Variants in CREB5 observed in about 807,000 individuals in gnomAD.
The protein encoded by CREB5 is cyclic AMP-responsive element-binding protein 5.
CREB5 carries 19 observed loss-of-function variants against 57.1 expected under a neutral mutation model. The observed-to-expected ratio is 0.33, with a 90% CI of 0.23 to 0.49. CREB5 has a LOEUF of 0.49. Among genes scored for constraint, CREB5 ranks in the 20% least tolerant of loss-of-function variants. The pLI is 0.99. For synonymous variants in CREB5, 238 were observed against 238.3 expected, an observed-to-expected ratio of 1.00 and a Z score of 0.01; for missense variants, 579 against 671.6, an observed-to-expected ratio of 0.86 and a Z score of 1.52.
chr7:28,330,634 A>G (rs1198178676), intron 1 of CREB5, among the ~76,000 whole-genome samples: 1 of 151,726 alleles, frequency 6.6e-6, no homozygotes, highest in Admixed American at 6.6e-5. Context: ...GCAAAAAAAA[A>G]AACAACCACA....
At chr7:28,737,741 T>C (rs890989727) in intron 7 of CREB5, among the ~76,000 whole-genome samples, 3 of 151,772 alleles carry the variant, frequency 2.0e-5, no homozygotes, top group African/African-American at 7.3e-5. Context: ...TCAGCAAAGA[T>C]ATGGTAAAAA....
At chr7:28,557,075 T>C (rs1267120288) in intron 4 of CREB5, among the ~76,000 whole-genome samples, 3 of 142,306 alleles carry the variant, frequency 2.1e-5, no homozygotes, top group African/African-American at 7.6e-5. Context: ...TCCTACAATC[T>C]GTTCCCACCT....
chr7:28,328,394 C>G (rs1393168635), intron 1 of CREB5, among the ~76,000 whole-genome samples: 2 of 152,184 alleles, frequency 1.3e-5, no homozygotes, highest in Non-Finnish European at 2.9e-5. Context: ...TGGTAAGGCA[C>G]AGACCTCATT....
chr7:28,659,807 C>T (rs1799523228), intron 5 of CREB5, among the ~76,000 whole-genome samples: 1 of 152,034 alleles, frequency 6.6e-6, no homozygotes, highest in Admixed American at 6.6e-5. Context: ...CTCATAACCT[C>T]CTCTTGATAT....
chr7:28,367,701 G>A (rs1012464397), intron 1 of CREB5, among the ~76,000 whole-genome samples: 1 of 152,120 alleles, frequency 6.6e-6, no homozygotes, highest in Non-Finnish European at 1.5e-5. Context: ...CCAGCTACTC[G>A]GGAGGCTGAG....
intron 5 of CREB5, among the ~76,000 whole-genome samples, chr7:28,573,223 CTG>C (rs1175786719): frequency 6.6e-6 from 1 of 152,026 alleles, no homozygotes; most frequent in Non-Finnish European, 1.5e-5. Flanking sequence ...CCTCTGGAGA[CTG>C]TGTCTTTAAA....
intron 9 of CREB5, among the ~76,000 whole-genome samples, chr7:28,817,865 C>T (rs71539578): frequency 1.3e-5 from 2 of 152,236 alleles, no homozygotes; most frequent in Non-Finnish European, 2.9e-5. Flanking sequence ...GAGTTAAAAC[C>T]TAAGCTCTGC....
chr7:28,383,334 T>G (rs1280949340), intron 1 of CREB5, among the ~76,000 whole-genome samples: 1 of 152,156 alleles, frequency 6.6e-6, no homozygotes, highest in Admixed American at 6.6e-5. Flanking sequence ...GATGGAAAAC[T>G]TAGTTGGAAA....
At chr7:28,655,973 G>C (rs78425035) in intron 5 of CREB5, among the ~76,000 whole-genome samples, 5,939 of 151,942 alleles carry the variant, frequency 0.039, 395 homozygotes, top group African/African-American at 0.14. Flanking sequence ...ACAAAGAAAA[G>C]GCAGGGAAAA....
chr7:28,678,892 C>T (rs1800452525), intron 5 of CREB5, among the ~76,000 whole-genome samples: 1 of 152,152 alleles, frequency 6.6e-6, no homozygotes, highest in Non-Finnish European at 1.5e-5. Flanking sequence ...CTTCTCTGCT[C>T]AGTGTAAGAG....
chr7:28,571,497 T>TCC (rs1795702516), intron 5 of CREB5, among the ~76,000 whole-genome samples: 2 of 152,138 alleles, frequency 1.3e-5, no homozygotes. Flanking sequence ...CTCTCTCTCA[T>TCC]TTATGCAAAT....
intron 1 of CREB5, among the ~76,000 whole-genome samples, chr7:28,361,335 T>C (rs1412465903): frequency 6.6e-6 from 1 of 152,122 alleles, no homozygotes; most frequent in African/African-American, 2.4e-5. Flanking sequence ...TTTACATGAG[T>C]CAATGTTCAT....
chr7:28,767,332 G>A (rs540643719), intron 7 of CREB5, among the ~76,000 whole-genome samples: 1 of 152,274 alleles, frequency 6.6e-6, no homozygotes, highest in African/African-American at 2.4e-5. Flanking sequence ...ATCGAACATA[G>A]AGAGAAAGAG....
intron 1 of CREB5, among the ~76,000 whole-genome samples, chr7:28,448,101 C>T (rs1017001913): frequency 2.2e-4 from 34 of 152,068 alleles, no homozygotes; most frequent in Non-Finnish European, 3.7e-4. Flanking sequence ...CAGCTGCCAG[C>T]GAATATAAAG....
chr7:28,646,881 ACAG>A (rs1798909601), intron 5 of CREB5, among the ~76,000 whole-genome samples: 1 of 152,054 alleles, frequency 6.6e-6, no homozygotes, highest in Non-Finnish European at 1.5e-5. Context: ...CAGTACAACA[ACAG>A]GAGCAACAAT....
chr7:28,578,305 C>T (rs1471691023), intron 5 of CREB5, among the ~76,000 whole-genome samples: 1 of 152,172 alleles, frequency 6.6e-6, no homozygotes, highest in Non-Finnish European at 1.5e-5. Flanking sequence ...AATCCAGAAG[C>T]AAGAATGAAA....
At chr7:28,462,429 G>C (rs908014671) in intron 1 of CREB5, among the ~76,000 whole-genome samples, 5 of 152,050 alleles carry the variant, frequency 3.3e-5, no homozygotes, top group Non-Finnish European at 7.4e-5. Context: ...TTTCTTTTGG[G>C]TATACACCCA....
intron 5 of CREB5, among the ~76,000 whole-genome samples, chr7:28,671,713 T>C (rs1367294522): frequency 6.6e-6 from 1 of 152,194 alleles, no homozygotes; most frequent in Non-Finnish European, 1.5e-5. Flanking sequence ...TATGAACACA[T>C]CAGTCAACTG....
At chr7:28,528,420 A>G (rs1225655043) in intron 4 of CREB5, among the ~76,000 whole-genome samples, 4 of 152,208 alleles carry the variant, frequency 2.6e-5, no homozygotes, top group East Asian at 3.8e-4. Context: ...ACAAATGAGT[A>G]TGTGCTGGGT....
Sources: allele counts gnomAD v4.1 joint callset (sites outside exome capture counted in the v4.1 genomes callset), GRCh38; gene constraint gnomAD v4.1.1; transcripts MANE v1.5; gene names NCBI Gene and HGNC (gene_info 2026-07-23, HGNC 2026-07-21).